The following SLC25A12 variants were observed in gnomAD, a reference collection of about 807,000 sequenced individuals.
SLC25A12 encodes solute carrier family 25 member 12.
SLC25A12 carries 32 observed loss-of-function variants against 83.3 expected under a neutral mutation model. The observed-to-expected ratio is 0.38, with a 90% CI of 0.29 to 0.52. SLC25A12 has a LOEUF of 0.52. SLC25A12 is among the 20% of genes least tolerant of loss of function. The pLI is 0.84. For synonymous variants in SLC25A12, 267 were observed against 291.1 expected, an observed-to-expected ratio of 0.92 and a Z score of 0.84; for missense variants, 611 against 835.6, an observed-to-expected ratio of 0.73 and a Z score of 3.31.
At chr2:171,848,604 C>A (rs968874765) in intron 4 of SLC25A12, among the ~76,000 whole-genome samples, 46 of 152,106 alleles carry the variant, frequency 3.0e-4, no homozygotes, top group African/African-American at 1.1e-3. Flanking sequence ...GGAGGAACAA[C>A]TGGGAAGCCA....
intron 4 of SLC25A12, chr2:171,848,283 G>T (rs1282964859): frequency 2.1e-6 from 1 of 471,068 alleles, no homozygotes; most frequent in Non-Finnish European, 4.4e-6. Context: ...CCTCCTGTAG[G>T]TATACAAGCC....
chr2:171,800,323 TCACACA>T (rs60362750), intron 13 of SLC25A12, among the ~76,000 whole-genome samples: 3 of 149,530 alleles, frequency 2.0e-5, no homozygotes, highest in Admixed American at 6.7e-5. Flanking sequence ...AACAGATACT[TCACACA>T]CACACACACA....
intron 2 of SLC25A12, among the ~76,000 whole-genome samples, chr2:171,883,423 C>T (rs977250260): frequency 2.0e-5 from 3 of 152,190 alleles, no homozygotes; most frequent in African/African-American, 7.2e-5. Context: ...CATGTAGGCT[C>T]CAGGTACACT....
intron 13 of SLC25A12, among the ~76,000 whole-genome samples, chr2:171,800,434 C>T (rs1206880786): frequency 6.6e-6 from 1 of 151,976 alleles, no homozygotes; most frequent in African/African-American, 2.4e-5. Flanking sequence ...CAATAAGATA[C>T]TATTTCACAT....
chr2:171,890,938 G>C (rs963557502), intron 2 of SLC25A12, among the ~76,000 whole-genome samples: 3 of 152,078 alleles, frequency 2.0e-5, no homozygotes, highest in African/African-American at 7.2e-5. Flanking sequence ...TAAAAATAAA[G>C]GCATCATCAA....
intron 15 of SLC25A12, among the ~76,000 whole-genome samples, chr2:171,790,555 T>C (rs761758793): frequency 4.6e-5 from 7 of 152,198 alleles, no homozygotes; most frequent in Non-Finnish European, 8.8e-5. Context: ...ACATGAAGGT[T>C]TTCATTCATG....
At chr2:171,859,607 T>C (rs1376651300) in intron 3 of SLC25A12, among the ~76,000 whole-genome samples, 1 of 152,238 alleles carries the variant, frequency 6.6e-6, no homozygotes, top group African/African-American at 2.4e-5. Flanking sequence ...AATATTATAT[T>C]GTTCCACCTA....
At chr2:171,827,682 C>A (rs974374086) in intron 8 of SLC25A12, among the ~76,000 whole-genome samples, 1 of 152,192 alleles carries the variant, frequency 6.6e-6, no homozygotes, top group African/African-American at 2.4e-5. Context: ...TGCTTCAATA[C>A]ATCTATGCTT....
At chr2:171,860,882 G>C (rs1685143137) in intron 3 of SLC25A12, among the ~76,000 whole-genome samples, 1 of 151,980 alleles carries the variant, frequency 6.6e-6, no homozygotes. Flanking sequence ...AAAAGTTCAA[G>C]ACCAGCCTAA....
intron 15 of SLC25A12, among the ~76,000 whole-genome samples, chr2:171,789,593 G>T (rs907283701): frequency 2.0e-5 from 3 of 152,132 alleles, no homozygotes; most frequent in African/African-American, 7.2e-5. Context: ...GGTGTCCTTG[G>T]CTGCACCAAC....
At chr2:171,880,620 C>A (rs1685670983) in intron 2 of SLC25A12, among the ~76,000 whole-genome samples, 1 of 152,126 alleles carries the variant, frequency 6.6e-6, no homozygotes, top group South Asian at 2.1e-4. Context: ...CAAGGGAATA[C>A]TGTGTGATGC....
intron 3 of SLC25A12, among the ~76,000 whole-genome samples, chr2:171,864,789 T>G (rs1685248906): frequency 6.6e-6 from 1 of 152,190 alleles, no homozygotes. Context: ...TTGGGTTCCC[T>G]CTATTCCTCT....
chr2:171,784,749 C>A lies in SLC25A12; in HGVS notation c.*525G>T. ...TTTTATCAGCAAATACCTTTTTATT[C>A]CAGAATGGAAAACAAACTAGGAATT... On this transcript the variant is annotated 3_prime_UTR_variant, in exon 18 of 18. Transcript: ENST00000422440. 1 of 171,298 alleles carries A rather than the reference C, an allele frequency of 5.8e-6. No homozygotes were observed. The highest frequency in any genetic ancestry group is 1.3e-5 in the Non-Finnish European group (1 of 78,426). The allele number at this position is 171,298 out of a possible 1,614,324, so 10.6% of individuals were successfully genotyped here.
At chr2:171,794,189 A>AT (rs1044355779) in intron 13 of SLC25A12, among the ~76,000 whole-genome samples, 3 of 152,174 alleles carry the variant, frequency 2.0e-5, no homozygotes, top group Non-Finnish European at 4.4e-5. Flanking sequence ...AGCTACAATT[A>AT]TTTTTTTCCT....
chr2:171,836,699 G>A (rs927185878), intron 6 of SLC25A12, among the ~76,000 whole-genome samples: 2 of 152,158 alleles, frequency 1.3e-5, no homozygotes, highest in African/African-American at 4.8e-5. Context: ...TTGGGAGCCC[G>A]GTGGTGTGGA....
chr2:171,837,939 G>T (rs976832267), intron 5 of SLC25A12, among the ~76,000 whole-genome samples: 27 of 152,220 alleles, frequency 1.8e-4, no homozygotes, highest in African/African-American at 6.5e-4. Context: ...CTGAACTTTT[G>T]AACTATTGGG....
At chr2:171,879,618 T>G (rs1264998132) in intron 2 of SLC25A12, among the ~76,000 whole-genome samples, 1 of 152,196 alleles carries the variant, frequency 6.6e-6, no homozygotes, top group Non-Finnish European at 1.5e-5. Context: ...GCAGATTAAG[T>G]TGAATAATTA....
At chr2:171,881,197 G>A (rs571564837) in intron 2 of SLC25A12, among the ~76,000 whole-genome samples, 1 of 151,974 alleles carries the variant, frequency 6.6e-6, no homozygotes, top group Non-Finnish European at 1.5e-5. Flanking sequence ...CAGCCACCCA[G>A]GCTGGAGTGG....
intron 4 of SLC25A12, among the ~76,000 whole-genome samples, chr2:171,850,531 A>G (rs1008211951): frequency 1.3e-5 from 2 of 151,866 alleles, no homozygotes; most frequent in Non-Finnish European, 2.9e-5. Flanking sequence ...TATTTTTAGT[A>G]GAGATGGGGT....
Sources: allele counts gnomAD v4.1 joint callset (sites outside exome capture counted in the v4.1 genomes callset), GRCh38; gene constraint gnomAD v4.1.1; transcripts MANE v1.5; gene names NCBI Gene and HGNC (gene_info 2026-07-23, HGNC 2026-07-21).